CDH13: variants seen among roughly 807,000 people sequenced by gnomAD.
The protein encoded by CDH13 is cadherin 13, also known as cadherin-13.
In CDH13, 24 loss-of-function variants were observed where a neutral mutation model predicts 63.8. The observed-to-expected ratio is 0.38, with a 90% CI of 0.27 to 0.53. The LOEUF (loss-of-function observed/expected upper bound fraction) is 0.53, where lower values mean the gene tolerates loss of function less well. Among genes scored for constraint, CDH13 ranks in the 20% least tolerant of loss-of-function variants. The pLI is 0.85. For missense variants in CDH13, 1,049 were observed against 903.1 expected (o/e 1.16, Z -2.07); for synonymous variants, 503 against 355.3 (o/e 1.42, Z -4.67).
intron 2 of CDH13, among the ~76,000 whole-genome samples, chr16:83,012,031 C>T (rs1914212022): frequency 6.6e-6 from 1 of 152,134 alleles, no homozygotes; most frequent in African/African-American, 2.4e-5. Context: ...GCCCTTTCCC[C>T]AGCCCAGGAC....
At chr16:83,112,732 C>T (rs962860825) in intron 3 of CDH13, among the ~76,000 whole-genome samples, 6 of 152,344 alleles carry the variant, frequency 3.9e-5, no homozygotes, top group Middle Eastern at 3.4e-3. Flanking sequence ...GGCTATCAAA[C>T]ATAGTTACAT....
At chr16:82,813,208 G>T (rs147009287) in intron 1 of CDH13, among the ~76,000 whole-genome samples, 1 of 152,030 alleles carries the variant, frequency 6.6e-6, no homozygotes, top group African/African-American at 2.4e-5. Flanking sequence ...ACATTATCCA[G>T]GCAGGAAAAC....
Position 83,125,515 on chromosome 16 carries a change from A to T in CDH13, c.483+14A>T. On this transcript the variant is annotated intron_variant, in intron 4 of 13. Transcript: ENST00000567109. Reference sequence around the variant, plus strand: ...GATGTTGGCAAGGTAAGTCAGACAAACAGCAAATGACAAAAACATGTTTTT... The same window carrying T: ...GATGTTGGCAAGGTAAGTCAGACAATCAGCAAATGACAAAAACATGTTTTT... 7.6e-7 allele frequency: 1 copy of T among 1,313,764 alleles called. No homozygotes were observed. Among genetic ancestry groups the T allele is most frequent in the East Asian group, 2.3e-5 (1 of 43,516 alleles). The allele number at this position is 1,313,764 out of a possible 1,614,324, so 81.4% of individuals were successfully genotyped here.
intron 6 of CDH13, among the ~76,000 whole-genome samples, chr16:83,442,952 C>G (rs1413953180): frequency 6.6e-6 from 1 of 152,192 alleles, no homozygotes; most frequent in African/African-American, 2.4e-5. Context: ...ATTTTAAGAT[C>G]ATATGGCTTT....
intron 10 of CDH13, among the ~76,000 whole-genome samples, chr16:83,702,306 C>G (rs1296710689): frequency 1.3e-5 from 2 of 152,152 alleles, no homozygotes; most frequent in Admixed American, 6.5e-5. Context: ...CCTCAAATCT[C>G]AATGGCTTAA....
intron 6 of CDH13, among the ~76,000 whole-genome samples, chr16:83,396,325 C>G (rs1024364649): frequency 6.6e-6 from 1 of 152,148 alleles, no homozygotes; most frequent in Admixed American, 6.5e-5. Context: ...TGATAAAACA[C>G]TGTGTCTGGC....
At chr16:82,633,405 A>G (rs1304206100) in intron 1 of CDH13, among the ~76,000 whole-genome samples, 1 of 152,174 alleles carries the variant, frequency 6.6e-6, no homozygotes, top group East Asian at 1.9e-4. Flanking sequence ...TTTGAGACGG[A>G]GTCTTGCTTT....
At chr16:83,223,365 C>A (rs1267551268) in intron 5 of CDH13, among the ~76,000 whole-genome samples, 1 of 152,208 alleles carries the variant, frequency 6.6e-6, no homozygotes, top group Non-Finnish European at 1.5e-5. Flanking sequence ...TAAATTAAGG[C>A]ATCAAACCTA....
intron 5 of CDH13, among the ~76,000 whole-genome samples, chr16:83,233,314 A>G (rs7195057): frequency 1.3e-5 from 2 of 152,002 alleles, no homozygotes; most frequent in African/African-American, 2.4e-5. Flanking sequence ...GACCACGACA[A>G]TGTTGATGAT....
chr16:82,826,188 C>A (rs544149171), intron 1 of CDH13: 1 of 152,280 alleles, frequency 6.6e-6, no homozygotes, highest in East Asian at 1.9e-4. Context: ...TGTCTACTAA[C>A]AGGAGATGCC....
chr16:83,583,408 A>C (rs998027672), intron 7 of CDH13, among the ~76,000 whole-genome samples: 9 of 152,226 alleles, frequency 5.9e-5, no homozygotes, highest in Admixed American at 5.2e-4. Context: ...TATCATTCTT[A>C]GTTCCTTTGA....
At chr16:83,535,537 C>G (rs139318700) in intron 7 of CDH13, among the ~76,000 whole-genome samples, 1 of 152,202 alleles carries the variant, frequency 6.6e-6, no homozygotes, top group African/African-American at 2.4e-5. Context: ...CTGTGACTTA[C>G]AGCTGACCAG....
In CDH13 at chr16:83,731,883, A is replaced by G. The variant is rs577593237; in HGVS notation, c.1539-16225A>G. On this transcript the variant is annotated intron_variant, in intron 10 of 13. Transcript: ENST00000567109. The stretch of plus-strand genomic sequence containing the variant: ...ATAAACTAGCTCAAAGGTTTGTGGA[A>G]GATTTAAATGCTGCATGACAGGTAG... Among the ~76,000 whole-genome samples, 13 of 152,368 alleles carry G rather than the reference A, an allele frequency of 8.5e-5. No individual in the cohort carries two copies. The South Asian group carries it at 1.2e-3, about 15-fold the overall frequency.
At chr16:83,727,222 G>A (rs1349732636) in intron 10 of CDH13, among the ~76,000 whole-genome samples, 1 of 151,932 alleles carries the variant, frequency 6.6e-6, no homozygotes, top group East Asian at 1.9e-4. Context: ...CCAGCTTCCT[G>A]TCTCTGTGGG....
chr16:82,636,967 C>G (rs967740759), intron 1 of CDH13, among the ~76,000 whole-genome samples: 1 of 152,156 alleles, frequency 6.6e-6, no homozygotes, highest in Non-Finnish European at 1.5e-5. Flanking sequence ...GTGGTATGAC[C>G]TTCAGCAAGC....
chr16:83,448,289 CCAGGG>C (rs1179050946), intron 6 of CDH13, among the ~76,000 whole-genome samples: 1 of 151,892 alleles, frequency 6.6e-6, no homozygotes, highest in Non-Finnish European at 1.5e-5. Context: ...GGGAATAAAA[CCAGGG>C]CAGGCATGCA....
chr16:82,774,365 C>G (rs2035396064), intron 1 of CDH13, among the ~76,000 whole-genome samples: 1 of 149,646 alleles, frequency 6.7e-6, no homozygotes, highest in Admixed American at 6.7e-5. Flanking sequence ...GTTTCCCCAT[C>G]TGTAAATTGT....
chr16:83,572,233 T>G (rs13335073), intron 7 of CDH13, among the ~76,000 whole-genome samples: 1 of 150,242 alleles, frequency 6.7e-6, no homozygotes, highest in African/African-American at 2.4e-5. Flanking sequence ...GTTGCCCAGG[T>G]TGGAGTGCAA....
chr16:82,900,763 C>T (rs540115793), intron 2 of CDH13, among the ~76,000 whole-genome samples: 8 of 152,184 alleles, frequency 5.3e-5, no homozygotes, highest in African/African-American at 1.7e-4. Flanking sequence ...TCTGCCCGGC[C>T]GTTAGCTTTT....
Sources: allele counts gnomAD v4.1 joint callset (sites outside exome capture counted in the v4.1 genomes callset), GRCh38; gene constraint gnomAD v4.1.1; transcripts MANE v1.5; gene names NCBI Gene and HGNC (gene_info 2026-07-23, HGNC 2026-07-21).